The following USH2A variants were observed in gnomAD, a reference collection of about 807,000 sequenced individuals.
USH2A encodes usherin.
USH2A carries 443 observed loss-of-function variants against 538.9 expected under a neutral mutation model. The ratio of observed to expected loss-of-function variants is 0.82; its 90% confidence interval spans 0.76 to 0.89. USH2A has a LOEUF of 0.89. Among genes scored for constraint, USH2A ranks in the 40% least tolerant of loss-of-function variants. The pLI is 0.00. For missense variants in USH2A, 6,633 were observed against 6,324.8 expected, an observed-to-expected ratio of 1.05 and a Z score of -1.65; for synonymous variants, 2,413 against 2,273.5, an observed-to-expected ratio of 1.06 and a Z score of -1.75.
chr1:215,782,288 C>T, intron 53 of USH2A, 92 bp from the exon 54 acceptor site: 1 of 1,333,122 alleles, frequency 7.5e-7, no homozygotes, highest in Non-Finnish European at 1.1e-6. Context: ...GGAAGAAATG[C>T]AATACTATAG....
intron 10 of USH2A, among the ~76,000 whole-genome samples, chr1:216,290,073 C>T (rs558555286): frequency 2.0e-5 from 3 of 152,022 alleles, no homozygotes; most frequent in South Asian, 2.1e-4. Context: ...ATTTCCTTTG[C>T]TATATTATGT....
intron 11 of USH2A, among the ~76,000 whole-genome samples, chr1:216,261,276 A>G (rs2036366031): frequency 6.6e-6 from 1 of 152,040 alleles, no homozygotes; most frequent in Non-Finnish European, 1.5e-5. Context: ...AACAAAAAAA[A>G]GCCTAAAAGA....
intron 35 of USH2A, among the ~76,000 whole-genome samples, chr1:215,990,447 C>T (rs991935628): frequency 7.2e-5 from 11 of 152,024 alleles, no homozygotes; most frequent in Non-Finnish European, 1.3e-4. Context: ...AATATTATTG[C>T]GTACCAATAA....
At chr1:215,837,633 A>T (rs962126545) in intron 47 of USH2A, among the ~76,000 whole-genome samples, 6 of 151,892 alleles carry the variant, frequency 4.0e-5, no homozygotes, top group African/African-American at 1.5e-4. Context: ...ATATAAATCA[A>T]TTTTTTTTCA....
rs1558204071 is a variant in USH2A at position 216,000,537 on chromosome 1, C to T, written c.6351G>A (p.Gln2117=). ...CATGTGTGCATGCACTTAGTAGAAA[C>T]TGGTGGGGTGTAAATACTGCTAAAT... ...VTDLAVFTPH[Q]FLLSACTHVG... The change falls in exon 33 of 72, where the codon CAG becomes CAA. Residue 2117 remains glutamine (Q), a synonymous_variant. Coordinates refer to ENST00000307340, the MANE Select transcript of USH2A (RefSeq NM_206933.4). 1 of 1,613,504 alleles carries T rather than the reference C, an allele frequency of 6.2e-7. No individual in the cohort carries two copies. Among genetic ancestry groups the T allele is most frequent in the Non-Finnish European group, 8.5e-7 (1 of 1,179,608 alleles).
chr1:215,928,284 T>C (rs1666286089), intron 38 of USH2A, among the ~76,000 whole-genome samples: 1 of 152,188 alleles, frequency 6.6e-6, no homozygotes, highest in African/African-American at 2.4e-5. Context: ...GATATACATT[T>C]ATTGATCTTT....
intron 38 of USH2A, among the ~76,000 whole-genome samples, chr1:215,906,990 C>G (rs1451453526): frequency 6.6e-6 from 1 of 151,814 alleles, no homozygotes; most frequent in Non-Finnish European, 1.5e-5. Context: ...AGACAGGTGA[C>G]CCCAGGTCTC....
chr1:216,123,634 C>T (rs1180919213), intron 21 of USH2A, among the ~76,000 whole-genome samples: 1 of 152,058 alleles, frequency 6.6e-6, no homozygotes, highest in East Asian at 1.9e-4. Context: ...CTATGTTTCC[C>T]ACATTATTTG....
rs555771894 is a variant in USH2A at position 216,207,517 on chromosome 1, C to A, written c.3158-86G>T. 5.2e-6 allele frequency: 8 copies of A among 1,524,530 alleles called. No homozygotes were observed. The Admixed American group carries it at 8.4e-5, about 16-fold the overall frequency. 94.4% of individuals were successfully genotyped at this position (1,524,530 alleles called of 1,614,324 possible). A position where few individuals can be genotyped will look rare whatever the true frequency, so the allele number is the denominator to read the frequency against. ...GAAGTAAGATATCCAGCAAAGAGGT[C>A]TTTCTGATTCAGGATTGCTTTATCA... On this transcript the variant is annotated intron_variant, in intron 15 of 71. Transcript: ENST00000307340.
rs2102619767 is a variant in USH2A, at chr1:216,150,877, A to G, written c.4627+24375T>C. 2.0e-5 allele frequency among the ~76,000 whole-genome samples: 3 copies of G among 152,212 alleles called. No homozygotes were observed. In the South Asian group the frequency reaches 6.2e-4, roughly 32 times the overall value. ...CTTTACTCTTCATCTCCGAAGTCCA[A>G]CTACACACATCACTGAAACAATTGG... On this transcript the variant is annotated intron_variant, in intron 21 of 71. Transcript: ENST00000307340.
In USH2A at chr1:216,325,527, G is replaced by A. The variant is rs750137819; in HGVS notation, c.921C>T (p.Ser307=). 41 of 1,613,482 alleles carry A rather than the reference G, an allele frequency of 2.5e-5. No individual in the cohort carries two copies. In the African/African-American group the frequency reaches 4.7e-4, roughly 18 times the overall value. The change falls in exon 6 of 72, where the codon AGC becomes AGT. Residue 307 remains serine (S), a synonymous_variant. Coordinates refer to ENST00000307340, the MANE Select transcript of USH2A (RefSeq NM_206933.4). ...HAQSHCRCPG[S]HPRVHPLAQR... The stretch of plus-strand genomic sequence containing the variant: ...GTGCCAAAGGGTGGACCCGCGGGTG[G>A]CTGCCAGGGCAACGGCAATGTGATT...
At position 216,422,531 on chromosome 1, in the gene USH2A, C is replaced by A. The variant is rs2039697287; in HGVS notation, c.-195G>T. Reference sequence around the variant, plus strand: ...TTAGCAATGGCGAAGACATGAGTAGCTGCTGGTATCTGGGAATCAAAAACG... The same window carrying A: ...TTAGCAATGGCGAAGACATGAGTAGATGCTGGTATCTGGGAATCAAAAACG... On this transcript the variant is annotated 5_prime_UTR_variant, in exon 2 of 72. Transcript: ENST00000307340. The A allele has an allele frequency of 1.5e-6, 1 of 677,434 alleles. No individual in the cohort carries two copies. The highest frequency in any genetic ancestry group is 2.4e-6 in the Non-Finnish European group (1 of 416,314). 42.0% of individuals were successfully genotyped at this position (677,434 alleles called of 1,614,324 possible).
chr1:215,782,293 C>T (rs1464363284), intron 53 of USH2A, 97 bp from the exon 54 acceptor site: 4 of 1,294,830 alleles, frequency 3.1e-6, no homozygotes, highest in East Asian at 2.4e-5. Flanking sequence ...AAATGCAATA[C>T]TATAGCTTTA....
At chr1:216,108,562 T>C (rs1162938709) in intron 21 of USH2A, among the ~76,000 whole-genome samples, 1 of 152,036 alleles carries the variant, frequency 6.6e-6, no homozygotes, top group African/African-American at 2.4e-5. Flanking sequence ...TCTGCCTATT[T>C]CTTCTTCCTG....
intron 63 of USH2A, among the ~76,000 whole-genome samples, chr1:215,671,544 T>C (rs1657818691): frequency 6.6e-6 from 1 of 152,086 alleles, no homozygotes. Flanking sequence ...AAATTATATT[T>C]CCATGGAAAT....
At chr1:216,185,952 G>T (rs1249524985) in intron 20 of USH2A, among the ~76,000 whole-genome samples, 1 of 151,914 alleles carries the variant, frequency 6.6e-6, no homozygotes, top group South Asian at 2.1e-4. Flanking sequence ...CCCTAAAAAT[G>T]ATGTATTTTA....
chr1:216,266,323 G>C (rs1461332051), intron 11 of USH2A, among the ~76,000 whole-genome samples: 1 of 152,010 alleles, frequency 6.6e-6, no homozygotes, highest in Non-Finnish European at 1.5e-5. Context: ...AATTTCCAGA[G>C]ACCAATAAAA....
chr1:215,784,046 C>T (rs898266011), intron 52 of USH2A, among the ~76,000 whole-genome samples: 1 of 152,126 alleles, frequency 6.6e-6, no homozygotes, highest in African/African-American at 2.4e-5. Flanking sequence ...GCATTATCTT[C>T]CTTTTCCATT....
chr1:215,836,548 TA>T (rs1253224375), intron 47 of USH2A, among the ~76,000 whole-genome samples: 2 of 18,402 alleles, frequency 1.1e-4, no homozygotes, highest in African/African-American at 3.9e-4. Flanking sequence ...ATATAATATA[TA>T]TATATATATA....
Sources: gnomAD v4.1 joint callset for allele counts (sites outside exome capture counted in the v4.1 genomes callset) on GRCh38, gnomAD v4.1.1 for gene constraint, MANE v1.5 for transcripts, NCBI Gene and HGNC (gene_info 2026-07-23, HGNC 2026-07-21) for gene names.